The following STAG1 variants were observed in gnomAD, a reference collection of about 807,000 sequenced individuals.
STAG1 encodes STAG1 cohesin complex component, also known as cohesin subunit SA-1.
STAG1 carries 26 observed loss-of-function variants against 170.9 expected under a neutral mutation model. That is an observed-to-expected ratio of 0.15 (90% CI 0.11 to 0.21). The LOEUF (loss-of-function observed/expected upper bound fraction) is 0.21, where lower values mean the gene tolerates loss of function less well. Ranked by LOEUF, STAG1 falls within the 10% of genes least tolerant of loss-of-function variation. The pLI, the probability that STAG1 is intolerant of heterozygous loss-of-function variation, is 1.00. For synonymous variants in STAG1, 514 were observed against 497.7 expected, an observed-to-expected ratio of 1.03 and a Z score of -0.44; for missense variants, 964 against 1,509.5, an observed-to-expected ratio of 0.64 and a Z score of 5.99.
intron 5 of STAG1, among the ~76,000 whole-genome samples, chr3:136,557,524 A>G (rs1328826825): frequency 1.3e-5 from 2 of 152,122 alleles, no homozygotes; most frequent in East Asian, 1.9e-4. Context: ...CGGTGTAAAT[A>G]ATTTTTTAAT....
At chr3:136,724,981 T>A (rs1470017998) in intron 1 of STAG1, among the ~76,000 whole-genome samples, 1 of 152,226 alleles carries the variant, frequency 6.6e-6, no homozygotes, top group East Asian at 1.9e-4. Flanking sequence ...CATTTCTTCT[T>A]ATTTTAGAAA....
chr3:136,659,733 G>A (rs995912628), intron 1 of STAG1, among the ~76,000 whole-genome samples: 25 of 152,176 alleles, frequency 1.6e-4, no homozygotes, highest in African/African-American at 5.8e-4. Flanking sequence ...GTTTAGTAAC[G>A]TGCAAAACTG....
At chr3:136,512,334 G>GT (rs1559850123) in intron 7 of STAG1, among the ~76,000 whole-genome samples, 1 of 151,980 alleles carries the variant, frequency 6.6e-6, no homozygotes, top group African/African-American at 2.4e-5. Flanking sequence ...TTTTAGCTTA[G>GT]TAGAATCCAG....
intron 10 of STAG1, among the ~76,000 whole-genome samples, chr3:136,476,190 G>A (rs1378757351): frequency 6.6e-6 from 1 of 152,182 alleles, no homozygotes. Flanking sequence ...AAATAAGGCA[G>A]GTGCCTATAG....
intron 26 of STAG1, among the ~76,000 whole-genome samples, chr3:136,361,912 T>G (rs1398017781): frequency 6.6e-6 from 1 of 151,914 alleles, no homozygotes; most frequent in Non-Finnish European, 1.5e-5. Context: ...GTGCTTGGCT[T>G]TCATTAATTA....
chr3:136,547,071 G>T (rs541239199), intron 5 of STAG1, among the ~76,000 whole-genome samples: 2 of 152,072 alleles, frequency 1.3e-5, no homozygotes, highest in Non-Finnish European at 2.9e-5. Flanking sequence ...AGAACTGGTT[G>T]GGTTTAGTAT....
intron 9 of STAG1, among the ~76,000 whole-genome samples, chr3:136,495,893 T>C (rs1933056135): frequency 7.0e-6 from 1 of 142,532 alleles, no homozygotes; most frequent in Non-Finnish European, 1.5e-5. Flanking sequence ...GGCGTGAACC[T>C]GGGAGGCGGA....
chr3:136,560,084 T>C (rs1270675297), intron 5 of STAG1, among the ~76,000 whole-genome samples: 1 of 152,220 alleles, frequency 6.6e-6, no homozygotes, highest in African/African-American at 2.4e-5. Context: ...CGAACTGGGT[T>C]AAGTTCAGGA....
At chr3:136,710,801 A>G (rs1408407933) in intron 1 of STAG1, among the ~76,000 whole-genome samples, 1 of 152,104 alleles carries the variant, frequency 6.6e-6, no homozygotes, top group African/African-American at 2.4e-5. Context: ...AAAAAAATGA[A>G]GTGAAATGGT....
chr3:136,366,458 T>C (rs182192843), intron 25 of STAG1, among the ~76,000 whole-genome samples: 45 of 152,246 alleles, frequency 3.0e-4, no homozygotes, highest in Non-Finnish European at 5.0e-4. Context: ...ACTCAACACA[T>C]TGCAGTTGTT....
chr3:136,670,909 CTTTT>C (rs1487567307), intron 1 of STAG1, among the ~76,000 whole-genome samples: 2 of 152,102 alleles, frequency 1.3e-5, no homozygotes, highest in South Asian at 2.1e-4. Context: ...ATTTTGTTTT[CTTTT>C]TGTTTTGCAT....
chr3:136,732,258 AAC>A (rs1553773612), intron 1 of STAG1, among the ~76,000 whole-genome samples: 3 of 151,586 alleles, frequency 2.0e-5, no homozygotes, highest in African/African-American at 4.8e-5. Flanking sequence ...AAAAAAAAAA[AAC>A]ACCTTAGTCA....
chr3:136,706,979 T>C (rs946532087), intron 1 of STAG1, among the ~76,000 whole-genome samples: 22 of 152,190 alleles, frequency 1.4e-4, no homozygotes, highest in African/African-American at 4.6e-4. Context: ...ACAAATGGTA[T>C]TGGGATAATG....
intron 3 of STAG1, among the ~76,000 whole-genome samples, chr3:136,621,833 C>T (rs1348391155): frequency 1.3e-5 from 2 of 151,870 alleles, no homozygotes; most frequent in African/African-American, 2.4e-5. Context: ...GCAACATAAC[C>T]ATCAGTTGCA....
At chr3:136,528,238 G>C (rs1935168514) in intron 6 of STAG1, among the ~76,000 whole-genome samples, 1 of 152,140 alleles carries the variant, frequency 6.6e-6, no homozygotes, top group Non-Finnish European at 1.5e-5. Flanking sequence ...TACCCAATTT[G>C]AACTTCCTGG....
intron 13 of STAG1, 24 bp downstream of exon 13, chr3:136,464,857 G>T (rs766595794): frequency 1.3e-6 from 2 of 1,579,328 alleles, no homozygotes; most frequent in Non-Finnish European, 1.7e-6. Flanking sequence ...AAGTAGAACC[G>T]GTTTTCAAAG....
chr3:136,462,462 C>T (rs1481313288), intron 13 of STAG1, among the ~76,000 whole-genome samples: 1 of 152,090 alleles, frequency 6.6e-6, no homozygotes, highest in Non-Finnish European at 1.5e-5. Context: ...CTCATGTTCT[C>T]ACTTTAATGT....
chr3:136,379,468 G>A (rs1937815357), intron 22 of STAG1, among the ~76,000 whole-genome samples: 1 of 152,184 alleles, frequency 6.6e-6, no homozygotes, highest in Admixed American at 6.5e-5. Context: ...CAGCACTTTG[G>A]GAGGCTGAGA....
chr3:136,604,429 T>C lies in STAG1; in HGVS notation c.177A>G (p.Arg59=). ...KPRKSPGEKS[R]IEAGIRGAGR... is the part of the protein sequence containing the mutation. ...CTGCTCCTCTAATTCCAGCTTCAAT[T>C]CTGCTCTTCTCACCTGGAGATTTTC... is the stretch of plus-strand genomic sequence containing the variant. The change falls in exon 4 of 34, where the codon AGA becomes AGG. Residue 59 remains arginine, a synonymous_variant. Transcript: ENST00000383202. 1 of 1,612,842 alleles carries C rather than the reference T, an allele frequency of 6.2e-7. No homozygotes were observed. Among genetic ancestry groups the C allele is most frequent in the Non-Finnish European group, 8.5e-7 (1 of 1,179,456 alleles).
Sources: allele counts gnomAD v4.1 joint callset (sites outside exome capture counted in the v4.1 genomes callset), GRCh38; gene constraint gnomAD v4.1.1; transcripts MANE v1.5; gene names NCBI Gene and HGNC (gene_info 2026-07-23, HGNC 2026-07-21).